Variants in FMNL3 observed in about 807,000 individuals in gnomAD.
The protein encoded by FMNL3 is formin like 3, also known as formin-like protein 3.
A neutral mutation model predicts 119.6 loss-of-function variants in FMNL3; 57 were observed. That is an observed-to-expected ratio of 0.48 (90% CI 0.39 to 0.59). FMNL3 has a LOEUF of 0.59. FMNL3 is among the 20% of genes least tolerant of loss of function. The probability of loss-of-function intolerance (pLI) is 0.00; values close to 1 mark genes in which losing one functional copy is unlikely to be tolerated. For synonymous variants in FMNL3, 491 were observed against 507.3 expected, an observed-to-expected ratio of 0.97 and a Z score of 0.43; for missense variants, 1,053 against 1,323.5, an observed-to-expected ratio of 0.80 and a Z score of 3.17.
In FMNL3 at chr12:49,642,720, C is replaced by A; in HGVS notation, c.*3095G>T. 2 of 1,578,780 alleles carry A rather than the reference C, an allele frequency of 1.3e-6. No individual in the cohort carries two copies. The highest frequency in any genetic ancestry group is 1.8e-5 in the Admixed American group (1 of 56,630). On this transcript the variant is annotated 3_prime_UTR_variant, in exon 26 of 26. Coordinates refer to ENST00000335154, the MANE Select transcript of FMNL3 (RefSeq NM_175736.5). The surrounding 1 kb of genome is among the most constrained non-coding windows in gnomAD (Gnocchi z 5.8). ...TGGATCTGCCTCAGGCCCTTGAACTCATTAGACCAGTTCAACAGAGACCTC... is the reference window on the plus strand; with the variant it reads ...TGGATCTGCCTCAGGCCCTTGAACTAATTAGACCAGTTCAACAGAGACCTC...
At chr12:49,701,343 A>T (rs1944905856) in intron 1 of FMNL3, among the ~76,000 whole-genome samples, 1 of 152,174 alleles carries the variant, frequency 6.6e-6, no homozygotes, top group Non-Finnish European at 1.5e-5. Context: ...AAAAGAAGCT[A>T]TTCTCAATCC....
chr12:49,649,544 G>C lies in FMNL3; in HGVS notation c.2236-6C>G, dbSNP rs964666651. 4 of 1,614,050 alleles carry C rather than the reference G, an allele frequency of 2.5e-6. No homozygotes were observed. Among genetic ancestry groups the C allele is most frequent in the African/African-American group, 1.3e-5 (1 of 74,922 alleles). On this transcript the variant is annotated splice_polypyrimidine_tract_variant and splice_region_variant and intron_variant, in intron 18 of 25. Coordinates refer to ENST00000335154, the MANE Select transcript of FMNL3 (RefSeq NM_175736.5). This position sits in a 1 kb window ranked among gnomAD's most constrained non-coding sequence, Gnocchi z 5.6. ...GCAATGATGGCATTGAGTTGCTGTA[G>C]GACAATATGAACACTGAAGTAACCC...
At position 49,657,135 on chromosome 12, in the gene FMNL3, T is replaced by G; in HGVS notation, c.661A>C (p.Lys221Gln). ...AGGATACAGACGTGGACGTCATCCT[T>G]CTGGCTCACTAGGCGGGAGTTCTTC... Reference protein sequence around the residue: ...ALKNSRLVSQKDDVHVCILCL... With the variant: ...ALKNSRLVSQQDDVHVCILCL... The change falls in exon 7 of 26, where the codon AAG becomes CAG. Residue 221 changes from lysine to glutamine, a missense_variant. Lys to Gln is a moderately conservative substitution (Grantham distance 53). Transcript: ENST00000335154. 1.9e-6 allele frequency: 3 copies of G among 1,614,124 alleles called. No homozygotes were observed. The highest frequency in any genetic ancestry group is 1.7e-6 in the Non-Finnish European group (2 of 1,180,014).
chr12:49,695,148 A>G (rs1236840998), intron 1 of FMNL3, among the ~76,000 whole-genome samples: 1 of 152,108 alleles, frequency 6.6e-6, no homozygotes, highest in Non-Finnish European at 1.5e-5. Flanking sequence ...GGAACAAAAC[A>G]TTGTCTCTAA....
chr12:49,693,636 G>GTTTTTTTTTTTT (rs71080198), intron 1 of FMNL3, among the ~76,000 whole-genome samples: 1 of 63,376 alleles, frequency 1.6e-5, no homozygotes, highest in Non-Finnish European at 3.2e-5. Context: ...CCCAATCTTG[G>GTTTTTTTTTTTT]TTTTTTTTTT....
Position 49,636,567 on chromosome 12 carries a change from C to A in FMNL3, c.*9248G>T. 1 of 913,136 alleles carries A rather than the reference C, an allele frequency of 1.1e-6. No individual in the cohort carries two copies. Among genetic ancestry groups the A allele is most frequent in the Non-Finnish European group, 1.7e-6 (1 of 600,602 alleles). The allele number at this position is 913,136 out of a possible 1,614,324, so 56.6% of individuals were successfully genotyped here. ...TTAAGAACTACCATTGCAGTGGCTG[C>A]TCCCACAGAGCCCCCTCCAGGCCCT... is the stretch of plus-strand genomic sequence containing the variant. On this transcript the variant is annotated 3_prime_UTR_variant, in exon 26 of 26. Coordinates refer to ENST00000335154, the MANE Select transcript of FMNL3 (RefSeq NM_175736.5).
intron 1 of FMNL3, among the ~76,000 whole-genome samples, chr12:49,669,874 C>CAAAACA (rs368277523): frequency 6.6e-6 from 1 of 151,498 alleles, no homozygotes; most frequent in Non-Finnish European, 1.5e-5. Flanking sequence ...CAAAACAAAA[C>CAAAACA]ACACAAACAA....
rs116728311 is a variant in FMNL3, at chr12:49,659,654, A to G, written c.453-1060T>C. On this transcript the variant is annotated intron_variant, in intron 5 of 25. Transcript: ENST00000335154. The stretch of plus-strand genomic sequence containing the variant: ...GTCTTAAAACTCCTGGGCTCAAGCA[A>G]TCTCTCATCTTGGCCTCCCAAAGCT... 2,621 of 499,334 alleles carry G rather than the reference A, an allele frequency of 5.2e-3. 66 individuals carry two copies. Among genetic ancestry groups the G allele is most frequent in the African/African-American group, 0.049 (2,348 of 47,800 alleles). The allele number at this position is 499,334 out of a possible 1,614,324, so 30.9% of individuals were successfully genotyped here. A position where few individuals can be genotyped will look rare whatever the true frequency, so the allele number is the denominator to read the frequency against.
intron 1 of FMNL3, among the ~76,000 whole-genome samples, chr12:49,683,011 T>C (rs898834264): frequency 6.6e-6 from 1 of 152,158 alleles, no homozygotes; most frequent in South Asian, 2.1e-4. Context: ...TCATCTCAGA[T>C]TCCTCACTTC....
At chr12:49,667,081 T>C (rs1943912137) in intron 2 of FMNL3, among the ~76,000 whole-genome samples, 1 of 152,090 alleles carries the variant, frequency 6.6e-6, no homozygotes, top group South Asian at 2.1e-4. Flanking sequence ...ACCTAGGACC[T>C]GGGACCACGT....
In FMNL3 at chr12:49,650,755, C is replaced by A; in HGVS notation, c.1921G>T (p.Ala641Ser). ...KAASKVTLLE[A>S]NRAKNLAITL... ...ATGGCCAGGTTCTTGGCACGATTGG[C>A]TTCCAACAGAGTCACCTTGCTGGCA... The change falls in exon 17 of 26, where the codon GCC becomes TCC. Residue 641 changes from alanine to serine, a missense_variant. Coordinates refer to ENST00000335154, the MANE Select transcript of FMNL3 (RefSeq NM_175736.5). 1 of 1,614,246 alleles carries A rather than the reference C, an allele frequency of 6.2e-7. No homozygotes were observed. Among genetic ancestry groups the A allele is most frequent in the Non-Finnish European group, 8.5e-7 (1 of 1,180,054 alleles).
chr12:49,650,348 C>CT (rs1943358052), intron 17 of FMNL3, among the ~76,000 whole-genome samples: 1 of 152,212 alleles, frequency 6.6e-6, no homozygotes, highest in Admixed American at 6.5e-5. Flanking sequence ...GAGACATTAC[C>CT]TCCTCTGGGA....
chr12:49,693,084 T>C (rs910005328), intron 1 of FMNL3, among the ~76,000 whole-genome samples: 6 of 152,304 alleles, frequency 3.9e-5, no homozygotes, highest in Non-Finnish European at 5.9e-5. Context: ...TAAGGGTCCA[T>C]TGTCAGGAGT....
At chr12:49,690,727 C>A (rs1309232817) in intron 1 of FMNL3, among the ~76,000 whole-genome samples, 4 of 152,210 alleles carry the variant, frequency 2.6e-5, no homozygotes, top group Admixed American at 2.6e-4. Context: ...TCCACTCAAT[C>A]CACTCCAAAG....
intron 4 of FMNL3, among the ~76,000 whole-genome samples, chr12:49,662,493 C>T (rs1269397497): frequency 1.3e-5 from 2 of 152,162 alleles, no homozygotes; most frequent in East Asian, 3.9e-4. Context: ...CAGTCAAGAC[C>T]CCAGCAGGAA....
At position 49,669,827 on chromosome 12, in the gene FMNL3, A is replaced by T. The variant is rs1943994048; in HGVS notation, c.127-1273T>A. Among the ~76,000 whole-genome samples the T allele has an allele frequency of 2.1e-5, 3 of 146,094 alleles. No homozygotes were observed. In the South Asian group the frequency reaches 6.8e-4, roughly 33 times the overall value. ...AGCCTGGGCAACAGAGAAAGATTCT[A>T]TCTCAACAAAACAAAACAAAACAAA... On this transcript the variant is annotated intron_variant, in intron 1 of 25. Transcript: ENST00000335154.
Position 49,685,201 on chromosome 12 carries a change from C to A in FMNL3, c.127-16647G>T, listed in dbSNP as rs529084331. ...ACGCCCCCAGTTTTAAAATAAGGTCCAGGCCGGAAGCAGTGGCTCACGCCT... is the reference window on the plus strand; with the variant it reads ...ACGCCCCCAGTTTTAAAATAAGGTCAAGGCCGGAAGCAGTGGCTCACGCCT... On this transcript the variant is annotated intron_variant, in intron 1 of 25. Transcript: ENST00000335154. Among the ~76,000 whole-genome samples, 6 of 152,306 alleles carry A rather than the reference C, an allele frequency of 3.9e-5. No homozygotes were observed. The South Asian group carries it at 1.0e-3, about 26-fold the overall frequency.
chr12:49,649,468 A>G lies in FMNL3; in HGVS notation c.2304+2T>C. The G allele has an allele frequency of 5.0e-6, 8 of 1,613,780 alleles. No homozygotes were observed. Among genetic ancestry groups the G allele is most frequent in the Non-Finnish European group, 6.8e-6 (8 of 1,179,966 alleles). On this transcript the variant is annotated splice_donor_variant, in intron 19 of 25. Coordinates refer to ENST00000335154, the MANE Select transcript of FMNL3 (RefSeq NM_175736.5). LOFTEE classifies it high-confidence loss of function. This position sits in a 1 kb window ranked among gnomAD's most constrained non-coding sequence, Gnocchi z 5.6. Reference sequence around the variant, plus strand: ...GCACCCCTGTTCACAACCTCTTCCCACCTCCAACATCTGCTTCAGCTTCTG... The same window carrying G: ...GCACCCCTGTTCACAACCTCTTCCCGCCTCCAACATCTGCTTCAGCTTCTG...
chr12:49,678,883 T>C (rs1944263492), intron 1 of FMNL3, among the ~76,000 whole-genome samples: 1 of 152,112 alleles, frequency 6.6e-6, no homozygotes, highest in Non-Finnish European at 1.5e-5. Flanking sequence ...AAAACACCAT[T>C]ACAAATCCAG....
Sources: allele counts gnomAD v4.1 joint callset (sites outside exome capture counted in the v4.1 genomes callset), GRCh38; gene constraint gnomAD v4.1.1; non-coding constraint Gnocchi (gnomAD v3.1); transcripts MANE v1.5; gene names NCBI Gene and HGNC (gene_info 2026-07-23, HGNC 2026-07-21).